Variants in TMEM163 observed in about 807,000 individuals in gnomAD.
TMEM163 encodes transmembrane protein 163.
A neutral mutation model predicts 29.3 loss-of-function variants in TMEM163; 17 were observed. That is an observed-to-expected ratio of 0.58 (90% CI 0.40 to 0.87). The LOEUF (loss-of-function observed/expected upper bound fraction) is 0.87, where lower values mean the gene tolerates loss of function less well. Ranked by LOEUF, TMEM163 falls within the 40% of genes least tolerant of loss-of-function variation. The pLI is 0.00. For synonymous variants in TMEM163, 157 were observed against 160.6 expected (o/e 0.98, Z 0.17); for missense variants, 303 against 381.5 (o/e 0.79, Z 1.71).
intron 2 of TMEM163, among the ~76,000 whole-genome samples, chr2:134,592,051 G>A (rs184300065): frequency 1.9e-4 from 29 of 152,358 alleles, no homozygotes; most frequent in Non-Finnish European, 1.9e-4. Context: ...AGCAGGCAGC[G>A]AGGGAGAAGG....
chr2:134,610,187 C>G (rs1465766953), intron 2 of TMEM163, among the ~76,000 whole-genome samples: 1 of 152,148 alleles, frequency 6.6e-6, no homozygotes, highest in African/African-American at 2.4e-5. Context: ...CCGGATGGAC[C>G]CTCATCCCCT....
intron 5 of TMEM163, among the ~76,000 whole-genome samples, chr2:134,481,257 C>T (rs1184627352): frequency 6.6e-6 from 1 of 152,108 alleles, no homozygotes; most frequent in Non-Finnish European, 1.5e-5. Flanking sequence ...CATCTAAATG[C>T]TTCCCATCGA....
chr2:134,599,203 T>C (rs1311198955), intron 2 of TMEM163, among the ~76,000 whole-genome samples: 1 of 152,108 alleles, frequency 6.6e-6, no homozygotes, highest in Non-Finnish European at 1.5e-5. Context: ...ATATGGTTCA[T>C]GACAAGAAGT....
chr2:134,716,585 C>A (rs1434194908), intron 1 of TMEM163, among the ~76,000 whole-genome samples: 2 of 152,152 alleles, frequency 1.3e-5, no homozygotes, highest in South Asian at 2.1e-4. Context: ...TGAAAGAAAG[C>A]AAGCCAGGCA....
chr2:134,651,339 C>G (rs1410487682), intron 2 of TMEM163, among the ~76,000 whole-genome samples: 1 of 141,914 alleles, frequency 7.0e-6, no homozygotes, highest in South Asian at 2.3e-4. Context: ...GCATAAATGT[C>G]TTCCTTTAAG....
intron 2 of TMEM163, among the ~76,000 whole-genome samples, chr2:134,579,859 C>T (rs1032347624): frequency 2.0e-5 from 3 of 152,260 alleles, no homozygotes; most frequent in South Asian, 2.1e-4. Context: ...ATGGGTATTT[C>T]GTGCTGAAAA....
chr2:134,565,595 A>C (rs1196069627), intron 2 of TMEM163, among the ~76,000 whole-genome samples: 1 of 151,568 alleles, frequency 6.6e-6, no homozygotes, highest in African/African-American at 2.4e-5. Flanking sequence ...GACTGAGGGC[A>C]AGACTCTGTC....
At chr2:134,618,146 A>G (rs1682652333) in intron 2 of TMEM163, among the ~76,000 whole-genome samples, 1 of 152,126 alleles carries the variant, frequency 6.6e-6, no homozygotes, top group Non-Finnish European at 1.5e-5. Flanking sequence ...GCAAGCTCCA[A>G]CTAGATGCTA....
intron 2 of TMEM163, among the ~76,000 whole-genome samples, chr2:134,657,811 A>T (rs1345005073): frequency 6.6e-6 from 1 of 152,144 alleles, no homozygotes; most frequent in Non-Finnish European, 1.5e-5. Context: ...CTCAAAAATA[A>T]AAAATAAAAA....
intron 2 of TMEM163, among the ~76,000 whole-genome samples, chr2:134,610,428 G>A (rs1475774395): frequency 6.6e-6 from 1 of 152,166 alleles, no homozygotes; most frequent in Non-Finnish European, 1.5e-5. Flanking sequence ...AAAATAGATT[G>A]CTGGGCCCAG....
chr2:134,631,819 G>T (rs1320308774), intron 2 of TMEM163, among the ~76,000 whole-genome samples: 1 of 152,174 alleles, frequency 6.6e-6, no homozygotes. Context: ...ACATTTCATG[G>T]CCAACCATAT....
chr2:134,469,108 C>T (rs1686734799), intron 5 of TMEM163: 2 of 152,116 alleles, frequency 1.3e-5, no homozygotes, highest in South Asian at 4.2e-4. Context: ...GTAAGAGAGA[C>T]ACAGGAAGCT....
chr2:134,641,400 T>C (rs1442559860), intron 2 of TMEM163, among the ~76,000 whole-genome samples: 1 of 152,104 alleles, frequency 6.6e-6, no homozygotes, highest in Non-Finnish European at 1.5e-5. Flanking sequence ...GAAGGAAACA[T>C]AAGAAAATAT....
intron 5 of TMEM163, among the ~76,000 whole-genome samples, chr2:134,492,708 C>A (rs1679457041): frequency 6.6e-6 from 1 of 152,212 alleles, no homozygotes; most frequent in South Asian, 2.1e-4. Flanking sequence ...GAGCAGTCTT[C>A]CACTGTGTGA....
At chr2:134,518,519 C>T (rs1476897511) in intron 4 of TMEM163, among the ~76,000 whole-genome samples, 1 of 152,214 alleles carries the variant, frequency 6.6e-6, no homozygotes, top group African/African-American at 2.4e-5. Context: ...TGACTAAATA[C>T]AAGGCCATCC....
At chr2:134,674,761 C>T (rs897941392) in intron 2 of TMEM163, among the ~76,000 whole-genome samples, 15 of 152,088 alleles carry the variant, frequency 9.9e-5, no homozygotes, top group African/African-American at 3.1e-4. Flanking sequence ...TGATCACAAA[C>T]GACTGCAAAA....
At chr2:134,695,330 G>A (rs970874266) in intron 2 of TMEM163, among the ~76,000 whole-genome samples, 3 of 151,868 alleles carry the variant, frequency 2.0e-5, no homozygotes, top group African/African-American at 4.8e-5. Context: ...CACCCATCTC[G>A]GCCTCCCAGT....
At chr2:134,566,007 G>A (rs1471639420) in intron 2 of TMEM163, among the ~76,000 whole-genome samples, 1 of 152,130 alleles carries the variant, frequency 6.6e-6, no homozygotes, top group African/African-American at 2.4e-5. Context: ...GTGAGTGGTG[G>A]CTACACAGCT....
intron 5 of TMEM163, chr2:134,466,941 G>A (rs1686684170): frequency 6.6e-6 from 1 of 152,186 alleles, no homozygotes; most frequent in Admixed American, 6.5e-5. Flanking sequence ...TCACCCCCAA[G>A]AGACACAGCC....
Sources: allele counts gnomAD v4.1 joint callset (sites outside exome capture counted in the v4.1 genomes callset), GRCh38; gene constraint gnomAD v4.1.1; transcripts MANE v1.5; gene names NCBI Gene and HGNC (gene_info 2026-07-23, HGNC 2026-07-21).